CPNE4: variants seen among roughly 807,000 people sequenced by gnomAD.
The protein encoded by CPNE4 is copine-4.
In CPNE4, 25 loss-of-function variants were observed where a neutral mutation model predicts 67.9. That is an observed-to-expected ratio of 0.37 (90% CI 0.27 to 0.51). The LOEUF is 0.51. Among genes scored for constraint, CPNE4 ranks in the 20% least tolerant of loss-of-function variants. CPNE4 has a pLI of 0.93. For synonymous variants in CPNE4, 242 were observed against 244.9 expected (o/e 0.99, Z 0.11); for missense variants, 464 against 690.8 (o/e 0.67, Z 3.68).
At chr3:131,572,541 A>G (rs1559919448) in intron 10 of CPNE4, among the ~76,000 whole-genome samples, 1 of 152,038 alleles carries the variant, frequency 6.6e-6, no homozygotes, top group Non-Finnish European at 1.5e-5. Flanking sequence ...TAAGAGCTGG[A>G]GAGCTTGGGT....
At chr3:131,825,054 C>T (rs894828525) in intron 2 of CPNE4, among the ~76,000 whole-genome samples, 2 of 151,960 alleles carry the variant, frequency 1.3e-5, no homozygotes, top group African/African-American at 2.4e-5. Context: ...CTTCAGAGCC[C>T]GACAAGGGAT....
intron 2 of CPNE4, among the ~76,000 whole-genome samples, chr3:131,826,183 G>A (rs941167857): frequency 6.7e-6 from 1 of 149,702 alleles, no homozygotes; most frequent in Non-Finnish European, 1.5e-5. Context: ...ACTTCTGGAT[G>A]TCTTTTTCTT....
At chr3:131,614,243 C>A (rs1012964406) in intron 7 of CPNE4, among the ~76,000 whole-genome samples, 1 of 152,194 alleles carries the variant, frequency 6.6e-6, no homozygotes, top group Non-Finnish European at 1.5e-5. Flanking sequence ...CCAGCATGTG[C>A]TCAGTAGGCT....
At chr3:131,757,629 A>G (rs942683509) in intron 2 of CPNE4, among the ~76,000 whole-genome samples, 4 of 152,242 alleles carry the variant, frequency 2.6e-5, no homozygotes, top group Non-Finnish European at 4.4e-5. Context: ...GGCTGCAGAA[A>G]TTTGCATAAG....
intron 2 of CPNE4, among the ~76,000 whole-genome samples, chr3:131,839,520 A>G (rs2085690946): frequency 6.6e-6 from 1 of 151,668 alleles, no homozygotes; most frequent in Admixed American, 6.6e-5. Flanking sequence ...ACATAGTGAG[A>G]TTACATATTT....
intron 2 of CPNE4, among the ~76,000 whole-genome samples, chr3:131,854,252 T>TGA (rs1373056531): frequency 6.6e-6 from 1 of 151,672 alleles, no homozygotes; most frequent in Non-Finnish European, 1.5e-5. Flanking sequence ...AACATAATGT[T>TGA]GAGAGAGAGA....
chr3:131,954,496 C>CT (rs200283747), intron 1 of CPNE4, among the ~76,000 whole-genome samples: 7,943 of 152,134 alleles, frequency 0.052, 413 homozygotes, highest in African/African-American at 0.13. Context: ...TAGAAGAACT[C>CT]TTTTTTTATT....
chr3:131,717,943 T>TTTCC (rs1560173812), intron 3 of CPNE4, among the ~76,000 whole-genome samples: 2 of 124,938 alleles, frequency 1.6e-5, no homozygotes, highest in Admixed American at 1.6e-4. Flanking sequence ...TCTTTCTTTC[T>TTTCC]TTTCTTTCTT....
chr3:131,792,921 G>GTATC (rs1280851099), intron 2 of CPNE4, among the ~76,000 whole-genome samples: 1 of 58,400 alleles, frequency 1.7e-5, no homozygotes, highest in South Asian at 5.6e-4. Context: ...GTGTGTGTGT[G>GTATC]TGTGTATCTC....
intron 1 of CPNE4, among the ~76,000 whole-genome samples, chr3:131,995,490 A>C (rs1428036931): frequency 6.6e-6 from 1 of 152,132 alleles, no homozygotes; most frequent in East Asian, 1.9e-4. Context: ...CGACCATGAG[A>C]GCAGATCCTG....
At chr3:131,819,846 G>A (rs1194899412) in intron 2 of CPNE4, among the ~76,000 whole-genome samples, 5 of 152,166 alleles carry the variant, frequency 3.3e-5, no homozygotes, top group South Asian at 2.1e-4. Context: ...AAACAATGAT[G>A]TGGAAAGTAT....
chr3:131,815,829 C>T (rs1374326397), intron 2 of CPNE4, among the ~76,000 whole-genome samples: 1 of 152,060 alleles, frequency 6.6e-6, no homozygotes, highest in Admixed American at 6.5e-5. Context: ...ATCTGGGTAT[C>T]AGCAGAGGGG....
intron 2 of CPNE4, among the ~76,000 whole-genome samples, chr3:131,746,348 C>T (rs72985831): frequency 0.012 from 1,894 of 152,076 alleles, 14 homozygotes; most frequent in Non-Finnish European, 0.017. Flanking sequence ...GTCATTCTAC[C>T]GTACAATAAA....
intron 2 of CPNE4, among the ~76,000 whole-genome samples, chr3:131,901,647 A>T (rs1359184919): frequency 2.0e-5 from 3 of 151,824 alleles, no homozygotes; most frequent in Non-Finnish European, 4.4e-5. Context: ...GGAGTAGGAG[A>T]AATAGAGGAG....
At chr3:131,698,663 G>C (rs1374715358) in intron 4 of CPNE4, among the ~76,000 whole-genome samples, 1 of 150,460 alleles carries the variant, frequency 6.6e-6, no homozygotes, top group African/African-American at 2.5e-5. Context: ...TGTAATCCCA[G>C]CACTTTGGGA....
chr3:132,000,344 A>C (rs2073400254), intron 1 of CPNE4, among the ~76,000 whole-genome samples: 1 of 152,042 alleles, frequency 6.6e-6, no homozygotes, highest in Non-Finnish European at 1.5e-5. Context: ...AGTACTTACT[A>C]TGTGCTAAGC....
At chr3:131,614,528 G>C (rs1559985489) in intron 7 of CPNE4, among the ~76,000 whole-genome samples, 2 of 152,196 alleles carry the variant, frequency 1.3e-5, no homozygotes, top group Non-Finnish European at 2.9e-5. Context: ...TTTAATAAAT[G>C]CTTAATGGAT....
intron 2 of CPNE4, among the ~76,000 whole-genome samples, chr3:131,738,637 TTTTG>T (rs879367216): frequency 1.2e-3 from 190 of 152,320 alleles, no homozygotes; most frequent in Admixed American, 4.5e-3. Context: ...GTTTGTTCGT[TTTTG>T]TTTGTTTGTT....
intron 13 of CPNE4, 90 bp downstream of exon 13, chr3:131,552,350 T>G: frequency 9.3e-7 from 1 of 1,079,180 alleles, no homozygotes; most frequent in African/African-American, 1.6e-5. Context: ...CAATCGTAAC[T>G]AATATGCTAC....
Sources: gnomAD v4.1 joint callset for allele counts (sites outside exome capture counted in the v4.1 genomes callset) on GRCh38, gnomAD v4.1.1 for gene constraint, MANE v1.5 for transcripts, NCBI Gene and HGNC (gene_info 2026-07-23, HGNC 2026-07-21) for gene names.